Variants in IL1R2 observed in about 807,000 individuals in gnomAD.
IL1R2 encodes the protein interleukin 1 receptor type 2.
IL1R2 carries 46 observed loss-of-function variants against 39.5 expected under a neutral mutation model. The ratio of observed to expected loss-of-function variants is 1.16; its 90% CI spans 0.92 to 1.49. The LOEUF (loss-of-function observed/expected upper bound fraction) is 1.49. Among genes scored for constraint, IL1R2 ranks in the 40% most tolerant of loss-of-function variants. The pLI, the probability that IL1R2 is intolerant of heterozygous loss-of-function variation, is 0.00. For missense variants in IL1R2, 537 were observed against 502.0 expected (o/e 1.07, Z -0.67); for synonymous variants, 207 against 189.6 (o/e 1.09, Z -0.75).
chr2:102,008,427 G>A, intron 1 of IL1R2, 88 bp from the exon 2 acceptor site: 2 of 668,212 alleles, frequency 3.0e-6, no homozygotes, highest in South Asian at 3.5e-5. Flanking sequence ...ATCCAGTGAA[G>A]CTTCCAGACC....
intron 4 of IL1R2, 65 bp from the exon 5 acceptor site, chr2:102,019,573 G>A (rs1677226272): frequency 8.9e-7 from 1 of 1,117,490 alleles, no homozygotes; most frequent in Admixed American, 2.4e-5. Context: ...TAATGATGAT[G>A]TAATTCATAG....
intron 1 of IL1R2, among the ~76,000 whole-genome samples, chr2:102,007,168 G>A (rs1676319144): frequency 6.6e-6 from 1 of 152,186 alleles, no homozygotes; most frequent in Non-Finnish European, 1.5e-5. Context: ...GCAGACACAG[G>A]GAACACTTGT....
At chr2:102,022,529 G>C (rs28362313) in intron 6 of IL1R2, among the ~76,000 whole-genome samples, 1 of 152,214 alleles carries the variant, frequency 6.6e-6, no homozygotes, top group Non-Finnish European at 1.5e-5. Context: ...AAATCTGAAC[G>C]TTCTGGCAGC....
chr2:101,992,984 C>T (rs1240484257), intron 1 of IL1R2, among the ~76,000 whole-genome samples: 1 of 152,126 alleles, frequency 6.6e-6, no homozygotes, highest in Non-Finnish European at 1.5e-5. Flanking sequence ...CAGGGGGTTT[C>T]TAAGGACCTT....
At position 102,016,119 on chromosome 2, in the gene IL1R2, CTT is replaced by C. The variant is rs1366814903; in HGVS notation, c.513+69_513+70del. On this transcript the variant is annotated intron_variant, in intron 4 of 8. Coordinates refer to ENST00000332549, the MANE Select transcript of IL1R2 (RefSeq NM_004633.4). Reference sequence around the variant, plus strand: ...TTTTTTACTAGCCATAAAAGAAAGACTTAAAATATCGATTTTCTGAAGACAGT... The same window carrying C: ...TTTTTTACTAGCCATAAAAGAAAGACAAAATATCGATTTTCTGAAGACAGT... 134 of 1,265,152 alleles carry C rather than the reference CTT, an allele frequency of 1.1e-4. No individual in the cohort carries two copies. The South Asian group carries it at 1.7e-3, about 16-fold the overall frequency. The allele number at this position is 1,265,152 out of a possible 1,614,324, so 78.4% of individuals were successfully genotyped here. A position where few individuals can be genotyped will look rare whatever the true frequency, so the allele number is the denominator to read the frequency against.
intron 4 of IL1R2, 115 bp from the exon 5 acceptor site, chr2:102,019,523 A>T: frequency 1.3e-6 from 1 of 758,810 alleles, no homozygotes; most frequent in Non-Finnish European, 2.1e-6. Context: ...CAAAGTAAAT[A>T]CCAGGACAAT....
intron 6 of IL1R2, among the ~76,000 whole-genome samples, chr2:102,024,063 A>AAAAAAAG: frequency 6.6e-6 from 1 of 151,518 alleles, no homozygotes; most frequent in Admixed American, 6.6e-5. Context: ...ACAAAACAAA[A>AAAAAAAG]CAAAACAAAA....
intron 1 of IL1R2, among the ~76,000 whole-genome samples, chr2:101,999,980 A>G (rs1396707890): frequency 1.3e-5 from 2 of 152,236 alleles, no homozygotes; most frequent in Non-Finnish European, 2.9e-5. Context: ...AAAGTTGTAC[A>G]TATTTTTAGT....
At chr2:102,005,547 G>C (rs1317166697) in intron 1 of IL1R2, among the ~76,000 whole-genome samples, 1 of 152,206 alleles carries the variant, frequency 6.6e-6, no homozygotes, top group Non-Finnish European at 1.5e-5. Context: ...CCCTCTTACT[G>C]CCCTATTGCA....
chr2:102,014,011 A>G (rs1206510513), intron 3 of IL1R2, among the ~76,000 whole-genome samples: 1 of 152,128 alleles, frequency 6.6e-6, no homozygotes, highest in African/African-American at 2.4e-5. Context: ...GGGGAGTGCA[A>G]GTGGTGATCA....
chr2:102,000,534 C>T (rs1675803704), intron 1 of IL1R2, among the ~76,000 whole-genome samples: 1 of 152,186 alleles, frequency 6.6e-6, no homozygotes, highest in South Asian at 2.1e-4. Context: ...TCCAAAATGG[C>T]AGACATTTCT....
At chr2:102,019,886 C>A in intron 5 of IL1R2, 74 bp downstream of exon 5, 1 of 1,277,944 alleles carries the variant, frequency 7.8e-7, no homozygotes, top group Non-Finnish European at 1.1e-6. Flanking sequence ...TGACGGTGCA[C>A]GTAGAATTCC....
At chr2:102,019,875 A>C (rs1314282621) in intron 5 of IL1R2, 63 bp downstream of exon 5, 7 of 1,388,460 alleles carry the variant, frequency 5.0e-6, no homozygotes, top group Non-Finnish European at 7.0e-6. Context: ...CAGAGAACAA[A>C]TGACGGTGCA....
chr2:102,027,462 G>A (rs1030887184), intron 8 of IL1R2, among the ~76,000 whole-genome samples: 3 of 152,186 alleles, frequency 2.0e-5, no homozygotes, highest in Non-Finnish European at 4.4e-5. Flanking sequence ...AACACAGGCT[G>A]TAAGTCTTTC....
intron 1 of IL1R2, among the ~76,000 whole-genome samples, chr2:101,996,206 A>G (rs1014882150): frequency 2.0e-5 from 3 of 152,132 alleles, no homozygotes; most frequent in Non-Finnish European, 4.4e-5. Context: ...GGGACGCAGG[A>G]TTTCAGCTCA....
chr2:102,011,362 G>A (rs964227465), intron 3 of IL1R2, among the ~76,000 whole-genome samples: 8 of 152,112 alleles, frequency 5.3e-5, no homozygotes, highest in South Asian at 2.1e-4. Context: ...CAACAGTGCC[G>A]ACACTCAATT....
chr2:102,010,604 C>A (rs933258335), intron 3 of IL1R2, among the ~76,000 whole-genome samples: 1 of 151,080 alleles, frequency 6.6e-6, no homozygotes, highest in African/African-American at 2.4e-5. Flanking sequence ...ATTAGTCCAA[C>A]TGCTCGTTGT....
chr2:102,026,917 G>T (rs1677778040), intron 8 of IL1R2, among the ~76,000 whole-genome samples: 1 of 152,182 alleles, frequency 6.6e-6, no homozygotes, highest in Admixed American at 6.5e-5. Flanking sequence ...CTCAGTGATG[G>T]CTCGTGGACA....
chr2:102,010,029 A>G, intron 3 of IL1R2: 2 of 612,816 alleles, frequency 3.3e-6, no homozygotes, highest in Non-Finnish European at 5.6e-6. Context: ...CTCAAATGCC[A>G]CCTCTTTGGA....
Sources: allele counts gnomAD v4.1 joint callset (sites outside exome capture counted in the v4.1 genomes callset), GRCh38; gene constraint gnomAD v4.1.1; transcripts MANE v1.5; gene names NCBI Gene and HGNC (gene_info 2026-07-23, HGNC 2026-07-21).